XDH: variants seen among roughly 807,000 people sequenced by gnomAD.
The protein encoded by XDH is xanthine dehydrogenase/oxidase.
Under a neutral mutation model 156.1 loss-of-function variants are expected in XDH, and 138 were observed. The ratio of observed to expected loss-of-function variants is 0.88; its 90% CI spans 0.77 to 1.02. The LOEUF is 1.02. Among genes scored for constraint, XDH ranks in the 50% least tolerant of loss-of-function variants. The probability of loss-of-function intolerance (pLI) is 0.00; values close to 1 mark genes in which losing one functional copy is unlikely to be tolerated. For synonymous variants in XDH, 669 were observed against 625.7 expected (o/e 1.07, Z -1.03); for missense variants, 1,849 against 1,684.9 (o/e 1.10, Z -1.71).
At chr2:31,344,551 C>A in intron 31 of XDH, 133 bp downstream of exon 31, 1 of 1,028,624 alleles carries the variant, frequency 9.7e-7, no homozygotes, top group Non-Finnish European at 1.5e-6. Context: ...CTGAAATTAG[C>A]GGAAGTCTGT....
Position 31,368,601 on chromosome 2 carries a change from CTG to C in XDH, c.2038_2039del (p.Gln680GlufsTer11), listed in dbSNP as rs1033487186. On this transcript the variant is annotated frameshift_variant, in exon 19 of 36. Transcript: ENST00000379416. LOFTEE classifies it high-confidence loss of function. ...TGATTTTCACCCCTTGGGCAGCTCT[CTG>C]TGTGTGTTCCGGGGTGTCAGCAACC... ...AVVADTPEHT[Q>X]RAAQGVKITY... is the part of the protein sequence containing the mutation. The C allele has an allele frequency of 6.2e-7, 1 of 1,614,100 alleles. No homozygotes were observed. Among genetic ancestry groups the C allele is most frequent in the African/African-American group, 1.3e-5 (1 of 74,934 alleles).
chr2:31,347,473 A>G (rs373207406), intron 29 of XDH, 49 bp downstream of exon 29: 112 of 1,611,754 alleles, frequency 6.9e-5, no homozygotes, highest in Non-Finnish European at 9.3e-5. Flanking sequence ...CTCCAGGCCC[A>G]CAGCTCTGGG....
chr2:31,405,872 C>G lies in XDH; in HGVS notation c.100+35G>C, dbSNP rs773028522. On this transcript the variant is annotated intron_variant, in intron 2 of 35. Coordinates refer to ENST00000379416, the MANE Select transcript of XDH (RefSeq NM_000379.4). Reference sequence around the variant, plus strand: ...CTACAGAATCAGTCACCATTGCCCCCCTTCTCCGTCACTCCCACTCCAAAG... The same window carrying G: ...CTACAGAATCAGTCACCATTGCCCCGCTTCTCCGTCACTCCCACTCCAAAG... The G allele has an allele frequency of 3.1e-6, 5 of 1,612,900 alleles. No homozygotes were observed. The African/African-American group carries it at 4.0e-5, about 13-fold the overall frequency.
intron 24 of XDH, among the ~76,000 whole-genome samples, chr2:31,357,458 G>A (rs1475279118): frequency 6.6e-6 from 1 of 151,798 alleles, no homozygotes; most frequent in African/African-American, 2.4e-5. Flanking sequence ...CACTATGAAC[G>A]ATTCTACACA....
intron 13 of XDH, among the ~76,000 whole-genome samples, chr2:31,379,283 A>T (rs970897857): frequency 6.6e-6 from 1 of 152,152 alleles, no homozygotes; most frequent in African/African-American, 2.4e-5. Flanking sequence ...ATCCATCCGC[A>T]CCAATCCACA....
rs781399387 is a variant in XDH, at chr2:31,405,932, G to C, written c.75C>G (p.Thr25=). Residue 25 remains threonine, a synonymous_variant, in exon 2 of 36, where the codon ACC becomes ACG. Transcript: ENST00000379416. ...ACTTTCTTCTCAGGTAGGCCAAAAGGGTTGTCTCTGGATCTGCATTTTTCT... is the reference window on the plus strand; with the variant it reads ...ACTTTCTTCTCAGGTAGGCCAAAAGCGTTGTCTCTGGATCTGCATTTTTCT... ...VVEKNADPET[T]LLAYLRRKLG... is the part of the protein sequence containing the mutation. The C allele has an allele frequency of 7.4e-6, 12 of 1,614,004 alleles. No individual in the cohort carries two copies. The highest frequency in any genetic ancestry group is 1.0e-5 in the Non-Finnish European group (12 of 1,179,986).
chr2:31,357,483 T>C (rs1433347320), intron 24 of XDH, among the ~76,000 whole-genome samples: 2 of 152,130 alleles, frequency 1.3e-5, no homozygotes, highest in Non-Finnish European at 2.9e-5. Flanking sequence ...AATTTTTTAA[T>C]AACTTAGACA....
chr2:31,349,399 T>A (rs950678461), intron 26 of XDH, among the ~76,000 whole-genome samples: 1 of 152,202 alleles, frequency 6.6e-6, no homozygotes, highest in African/African-American at 2.4e-5. Flanking sequence ...CTGTGACGTG[T>A]TAGTCCTAGG....
intron 2 of XDH, among the ~76,000 whole-genome samples, chr2:31,404,145 G>A (rs1360132179): frequency 6.6e-6 from 1 of 151,874 alleles, no homozygotes; most frequent in East Asian, 1.9e-4. Flanking sequence ...ACAGGAACAC[G>A]TTACCCTGCC....
intron 24 of XDH, among the ~76,000 whole-genome samples, chr2:31,359,411 A>G (rs909678002): frequency 6.6e-6 from 1 of 151,856 alleles, no homozygotes; most frequent in African/African-American, 2.4e-5. Flanking sequence ...TGGCCCTTTT[A>G]GTACAGGCGA....
chr2:31,350,288 G>C, intron 24 of XDH, 65 bp from the exon 25 acceptor site: 3 of 1,550,062 alleles, frequency 1.9e-6, no homozygotes, highest in South Asian at 2.2e-5. Flanking sequence ...CTCAAAGTAG[G>C]AACTTTGAGG....
rs1684955797 is a variant in XDH at position 31,335,774 on chromosome 2, G to T, written c.*184C>A. The T allele has an allele frequency of 4.4e-6, 3 of 685,200 alleles. No individual in the cohort carries two copies. The highest frequency in any genetic ancestry group is 1.8e-5 in the South Asian group (1 of 56,824). 42.4% of individuals were successfully genotyped at this position (685,200 alleles called of 1,614,324 possible). On this transcript the variant is annotated 3_prime_UTR_variant, in exon 36 of 36. Transcript: ENST00000379416. The stretch of plus-strand genomic sequence containing the variant: ...AACAGTTTTGAATTTGCTTATCATT[G>T]TGTTTACAAATTACATTTTTGATCA...
chr2:31,343,408 A>G (rs1685187955), intron 31 of XDH, among the ~76,000 whole-genome samples: 1 of 143,676 alleles, frequency 7.0e-6, no homozygotes, highest in East Asian at 2.1e-4. Flanking sequence ...ATATATGTTC[A>G]TATATGGCAT....
chr2:31,337,913 C>T (rs1022586964), intron 34 of XDH, 96 bp from the exon 35 acceptor site: 98 of 1,381,128 alleles, frequency 7.1e-5, no homozygotes, highest in Middle Eastern at 4.5e-4. Flanking sequence ...AAACTCTGCA[C>T]GAGGAGGGCT....
intron 35 of XDH, 90 bp downstream of exon 35, chr2:31,337,551 C>G: frequency 6.3e-7 from 1 of 1,588,822 alleles, no homozygotes; most frequent in Non-Finnish European, 8.6e-7. Context: ...GAGAGCCCAA[C>G]ACCTCTCCTC....
At chr2:31,360,341 T>C (rs1286646848) in intron 24 of XDH, among the ~76,000 whole-genome samples, 1 of 152,014 alleles carries the variant, frequency 6.6e-6, no homozygotes, top group African/African-American at 2.4e-5. Context: ...CTACTAAAAA[T>C]GCAAAAATTA....
chr2:31,375,805 T>C (rs1459972627), intron 14 of XDH, among the ~76,000 whole-genome samples: 1 of 152,250 alleles, frequency 6.6e-6, no homozygotes, highest in African/African-American at 2.4e-5. Context: ...CCTCACAATG[T>C]GCCAGGCAAC....
chr2:31,394,280 C>T (rs1316235560), intron 6 of XDH, among the ~76,000 whole-genome samples: 1 of 152,110 alleles, frequency 6.6e-6, no homozygotes, highest in African/African-American at 2.4e-5. Flanking sequence ...TTGAAGGATA[C>T]TTACGGAGGT....
chr2:31,354,210 C>A (rs1685566294), intron 24 of XDH, among the ~76,000 whole-genome samples: 1 of 152,204 alleles, frequency 6.6e-6, no homozygotes, highest in African/African-American at 2.4e-5. Context: ...ATTTCTACCT[C>A]TACCTAGCAG....
Sources: gnomAD v4.1 joint callset for allele counts (sites outside exome capture counted in the v4.1 genomes callset) on GRCh38, gnomAD v4.1.1 for gene constraint, MANE v1.5 for transcripts, NCBI Gene and HGNC (gene_info 2026-07-23, HGNC 2026-07-21) for gene names.